The following DYNC2H1 variants were observed in gnomAD, a reference collection of about 807,000 sequenced individuals.
DYNC2H1 encodes dynein cytoplasmic 2 heavy chain 1, also known as cytoplasmic dynein 2 heavy chain 1.
A neutral mutation model predicts 570.0 loss-of-function variants in DYNC2H1; 410 were observed. That is an observed-to-expected ratio of 0.72 (90% CI 0.66 to 0.78). The LOEUF (loss-of-function observed/expected upper bound fraction) is 0.78, where lower values mean the gene tolerates loss of function less well. DYNC2H1 is among the 30% of genes least tolerant of loss of function. The pLI, the probability that DYNC2H1 is intolerant of heterozygous loss-of-function variation, is 0.00. For missense variants in DYNC2H1, 4,865 were observed against 5,046.4 expected, an observed-to-expected ratio of 0.96 and a Z score of 1.09; for synonymous variants, 1,688 against 1,677.6, an observed-to-expected ratio of 1.01 and a Z score of -0.15.
intron 82 of DYNC2H1, among the ~76,000 whole-genome samples, chr11:103,340,877 AC>A (rs1438812045): frequency 5.9e-5 from 9 of 152,152 alleles, no homozygotes; most frequent in African/African-American, 1.7e-4. Flanking sequence ...GCATAAAAAA[AC>A]AAATTATAGT....
chr11:103,120,021 AG>A (rs1473504491), intron 6 of DYNC2H1, among the ~76,000 whole-genome samples: 5 of 152,216 alleles, frequency 3.3e-5, no homozygotes, highest in Non-Finnish European at 7.4e-5. Context: ...AATAAAAAAT[AG>A]GGCTGTTAAC....
chr11:103,441,918 A>G (rs1565602759), intron 85 of DYNC2H1, among the ~76,000 whole-genome samples: 2 of 152,044 alleles, frequency 1.3e-5, no homozygotes, highest in South Asian at 2.1e-4. Context: ...GCATTTCTGG[A>G]AGAGTGTATT....
At chr11:103,210,049 A>T in intron 53 of DYNC2H1, 89 bp downstream of exon 53, 3 of 1,304,986 alleles carry the variant, frequency 2.3e-6, no homozygotes, top group Admixed American at 3.9e-5. Context: ...AAGATTCATG[A>T]TTATAAATTT....
chr11:103,475,298 T>G (rs1565631801), intron 88 of DYNC2H1, among the ~76,000 whole-genome samples: 1 of 152,214 alleles, frequency 6.6e-6, no homozygotes, highest in Non-Finnish European at 1.5e-5. Context: ...TATCTCCTTT[T>G]CTGCATTAAT....
intron 31 of DYNC2H1, 55 bp from the exon 32 acceptor site, chr11:103,168,700 T>C (rs572119685): frequency 9.7e-6 from 15 of 1,548,114 alleles, no homozygotes; most frequent in Non-Finnish European, 1.3e-5. Context: ...TCATAAATTA[T>C]ATAAATCACA....
In DYNC2H1 at chr11:103,181,666, G is replaced by A. The variant is rs1009957226; in HGVS notation, c.6348-91G>A. ...GTATGCTAGCAGACAAAATATGTGC[G>A]TAGAATAATGTTTATTGGAGAAGAA... On this transcript the variant is annotated intron_variant, in intron 39 of 88. Coordinates refer to ENST00000375735, the MANE Select transcript of DYNC2H1 (RefSeq NM_001377.3). The surrounding 1 kb of genome is among the most constrained non-coding windows in gnomAD (Gnocchi z 5.0). 59 of 1,347,680 alleles carry A rather than the reference G, an allele frequency of 4.4e-5. 2 individuals carry two copies. The Middle Eastern group carries it at 8.0e-4, about 18-fold the overall frequency. The allele number at this position is 1,347,680 out of a possible 1,614,324, so 83.5% of individuals were successfully genotyped here. A position where few individuals can be genotyped will look rare whatever the true frequency, so the allele number is the denominator to read the frequency against.
chr11:103,266,625 T>C (rs112768581), intron 70 of DYNC2H1, among the ~76,000 whole-genome samples: 3 of 152,288 alleles, frequency 2.0e-5, no homozygotes, highest in African/African-American at 7.2e-5. Flanking sequence ...AAAAGCTGGC[T>C]ATGCATACAT....
chr11:103,476,120 G>A (rs1348841864), intron 88 of DYNC2H1, among the ~76,000 whole-genome samples: 4 of 152,154 alleles, frequency 2.6e-5, no homozygotes, highest in Non-Finnish European at 4.4e-5. Flanking sequence ...TTTTAAGATC[G>A]GCTAAGGAGT....
intron 47 of DYNC2H1, among the ~76,000 whole-genome samples, chr11:103,194,827 T>C (rs1260220419): frequency 1.3e-5 from 2 of 152,064 alleles, no homozygotes; most frequent in African/African-American, 4.8e-5. Context: ...AAGTGATTCT[T>C]CTGCCTCAGC....
chr11:103,280,765 A>T lies in DYNC2H1; in HGVS notation c.10761+352A>T, dbSNP rs1382525220. Among the ~76,000 whole-genome samples, 1 of 152,112 alleles carries T rather than the reference A, an allele frequency of 6.6e-6. No individual in the cohort carries two copies. The highest frequency in any genetic ancestry group is 1.5e-5 in the Non-Finnish European group (1 of 67,972). ...TGAGACAATATTGGTACAAAACTACATTATTTATTGCTTCCACTGAACTGT... is the reference window on the plus strand; with the variant it reads ...TGAGACAATATTGGTACAAAACTACTTTATTTATTGCTTCCACTGAACTGT... On this transcript the variant is annotated intron_variant, in intron 71 of 88. Coordinates refer to ENST00000375735, the MANE Select transcript of DYNC2H1 (RefSeq NM_001377.3). The surrounding 1 kb of genome is among the most constrained non-coding windows in gnomAD (Gnocchi z 4.7).
chr11:103,341,302 T>C (rs1162808701), intron 82 of DYNC2H1, among the ~76,000 whole-genome samples: 2 of 152,228 alleles, frequency 1.3e-5, no homozygotes, highest in African/African-American at 4.8e-5. Context: ...AAAACTCAGA[T>C]CACTTAACAG....
At chr11:103,265,525 C>G (rs1175612923) in intron 70 of DYNC2H1, among the ~76,000 whole-genome samples, 1 of 152,176 alleles carries the variant, frequency 6.6e-6, no homozygotes, top group African/African-American at 2.4e-5. Flanking sequence ...CTTCTCTATA[C>G]CGACTAGGTT....
rs2135849050 is a variant in DYNC2H1, at chr11:103,468,703, C to T, written c.12763C>T (p.Gln4255Ter). The change falls in exon 88 of 89, where the codon CAG (glutamine) becomes TAG (stop). Residue 4255 changes from glutamine (Q) to a stop codon, truncating the protein, a stop_gained and splice_region_variant. Coordinates refer to ENST00000375735, the MANE Select transcript of DYNC2H1 (RefSeq NM_001377.3). LOFTEE classifies it high-confidence loss of function. ...VLPCFMGWIP[Q>*]DACGPYSPDE... ...CCCTTGTTTTATGGGCTGGATTCCA[C>T]AGGTAATACATTTTTAACAAGCACA... The T allele has an allele frequency of 1.9e-6, 3 of 1,602,944 alleles. No homozygotes were observed. The highest frequency in any genetic ancestry group is 2.6e-6 in the Non-Finnish European group (3 of 1,171,412).
chr11:103,117,818 A>C lies in DYNC2H1; in HGVS notation c.954A>C (p.Lys318Asn), dbSNP rs778594253. ...RYVPHPWKNE[K>N]YFPETLDKLG... ...TTCCTCATCCATGGAAAAATGAAAA[A>C]TATTTTCCAGAAACACTTGACAAAC... Residue 318 changes from lysine (K) to asparagine (N), a missense_variant, in exon 6 of 89, where the codon AAA becomes AAC. Around this residue, in one of 5 missense-constraint regions of DYNC2H1, gnomAD observed 1,936 missense variants for 1,962.1 expected, o/e 0.99. Transcript: ENST00000375735. 4 of 1,613,012 alleles carry C rather than the reference A, an allele frequency of 2.5e-6. No individual in the cohort carries two copies. Among genetic ancestry groups the C allele is most frequent in the Non-Finnish European group, 3.4e-6 (4 of 1,179,332 alleles).
chr11:103,316,703 G>T, intron 80 of DYNC2H1, 83 bp downstream of exon 80: 2 of 1,088,666 alleles, frequency 1.8e-6, no homozygotes, highest in Non-Finnish European at 2.5e-6. Flanking sequence ...TTCAGAAGTG[G>T]CTTAACTTCC....
intron 83 of DYNC2H1, among the ~76,000 whole-genome samples, chr11:103,372,032 CTTTTTTTTTTTTT>C (rs1156605664): frequency 5.3e-5 from 2 of 38,038 alleles, no homozygotes; most frequent in African/African-American, 1.0e-4. Context: ...TTGTCTTGTT[CTTTTTTTTTTTTT>C]TTTTTTTTTT....
chr11:103,165,543 C>T (rs1377689608), intron 30 of DYNC2H1, among the ~76,000 whole-genome samples: 1 of 152,142 alleles, frequency 6.6e-6, no homozygotes, highest in Non-Finnish European at 1.5e-5. Flanking sequence ...TAGAATGCAT[C>T]ATACTTTGAT....
intron 82 of DYNC2H1, among the ~76,000 whole-genome samples, chr11:103,348,621 T>TG (rs1170291726): frequency 6.6e-6 from 1 of 152,196 alleles, no homozygotes; most frequent in Non-Finnish European, 1.5e-5. Context: ...GTGTTATGTA[T>TG]ATTAGGAGCT....
intron 47 of DYNC2H1, among the ~76,000 whole-genome samples, chr11:103,194,719 A>AT (rs970448254): frequency 3.4e-4 from 51 of 148,264 alleles, no homozygotes; most frequent in East Asian, 3.1e-3. Context: ...TTCCAATCAA[A>AT]TTTTTTTTTT....
Sources: allele counts gnomAD v4.1 joint callset (sites outside exome capture counted in the v4.1 genomes callset), GRCh38; gene constraint gnomAD v4.1.1; regional missense constraint gnomAD v4.1.1; non-coding constraint Gnocchi (gnomAD v3.1); transcripts MANE v1.5; gene names NCBI Gene and HGNC (gene_info 2026-07-23, HGNC 2026-07-21).